Variants in SLCO4A1 observed in about 807,000 individuals in gnomAD.
The protein encoded by SLCO4A1 is solute carrier organic anion transporter family member 4A1.
In SLCO4A1, 51 loss-of-function variants were observed where a neutral mutation model predicts 64.6. The ratio of observed to expected loss-of-function variants is 0.79; its 90% CI spans 0.63 to 1.00. The LOEUF (loss-of-function observed/expected upper bound fraction) is 1.00, where lower values mean the gene tolerates loss of function less well. Ranked by LOEUF, SLCO4A1 falls within the 50% of genes least tolerant of loss-of-function variation. The pLI is 0.00. For missense variants in SLCO4A1, 919 were observed against 980.5 expected, an observed-to-expected ratio of 0.94 and a Z score of 0.84; for synonymous variants, 471 against 444.9, an observed-to-expected ratio of 1.06 and a Z score of -0.74.
downstream of SLCO4A1, among the ~76,000 whole-genome samples, chr20:62,674,111 C>T (rs1209991302): frequency 2.0e-5 from 3 of 152,288 alleles, no homozygotes; most frequent in South Asian, 2.1e-4. Flanking sequence ...ACCATTTCGG[C>T]GGATGCCTGC....
chr20:62,668,095 T>G lies in SLCO4A1; in HGVS notation c.1722T>G (p.Cys574Trp). ...HATAGKCTST[C>W]QRKPLLLVFI... Reference sequence around the variant, plus strand: ...CTGCAGGGAAATGCACTTCAACTTGTCAGAGAAAGCCCCTCCTTCTGGTTT... The same window carrying G: ...CTGCAGGGAAATGCACTTCAACTTGGCAGAGAAAGCCCCTCCTTCTGGTTT... The change falls in exon 9 of 12, where the codon TGT becomes TGG. Residue 574 changes from cysteine (C) to tryptophan (W), a missense_variant. By Grantham distance (215) the Cys-to-Trp change is radical (BLOSUM62 -2). Coordinates refer to ENST00000217159, the MANE Select transcript of SLCO4A1 (RefSeq NM_016354.4). 6.2e-7 allele frequency: 1 copy of G among 1,614,044 alleles called. No homozygotes were observed. The highest frequency in any genetic ancestry group is 8.5e-7 in the Non-Finnish European group (1 of 1,180,030).
intron 2 of SLCO4A1, 93 bp from the exon 3 acceptor site, chr20:62,658,584 G>A (rs1456861800): frequency 1.1e-5 from 10 of 942,712 alleles, no homozygotes; most frequent in Non-Finnish European, 1.6e-5. Flanking sequence ...AGAATGGCGG[G>A]TGCGGGGCTT....
chr20:62,663,891 A>G (rs1985559927), intron 5 of SLCO4A1, among the ~76,000 whole-genome samples: 2 of 152,190 alleles, frequency 1.3e-5, no homozygotes, highest in Non-Finnish European at 2.9e-5. Context: ...TACACCATGC[A>G]ACACGTTTTC....
intron 1 of SLCO4A1, among the ~76,000 whole-genome samples, chr20:62,653,531 G>A (rs1306336551): frequency 1.3e-5 from 2 of 152,300 alleles, no homozygotes; most frequent in Admixed American, 1.3e-4. Flanking sequence ...TCCCGGGGCT[G>A]GTTCTCACTG....
chr20:62,675,754 C>T (rs1313283564), downstream of SLCO4A1, among the ~76,000 whole-genome samples: 1 of 152,216 alleles, frequency 6.6e-6, no homozygotes, highest in Admixed American at 6.5e-5. Context: ...GGCACATGGG[C>T]CCTGGATACG....
At chr20:62,642,778 C>A (rs1479464056) in intron 1 of SLCO4A1, among the ~76,000 whole-genome samples, 3 of 152,162 alleles carry the variant, frequency 2.0e-5, no homozygotes, top group Non-Finnish European at 4.4e-5. Flanking sequence ...CCGCCGGCTG[C>A]GCAGGTAGGA....
chr20:62,670,331 C>T (rs145485232), intron 11 of SLCO4A1: 37 of 152,382 alleles, frequency 2.4e-4, no homozygotes, highest in African/African-American at 3.1e-4. Flanking sequence ...CTTTGTCCAG[C>T]GTGTCCAGGC....
downstream of SLCO4A1, among the ~76,000 whole-genome samples, chr20:62,689,935 TCCCCACCCTC>T (rs1988176772): frequency 1.3e-5 from 2 of 152,174 alleles, no homozygotes; most frequent in Non-Finnish European, 2.9e-5. Context: ...GGGACCCGCG[TCCCCACCCTC>T]ACCCCCAGGG....
Position 62,656,413 on chromosome 20 carries a change from T to G in SLCO4A1, c.-42T>G. 1 of 1,441,904 alleles carries G rather than the reference T, an allele frequency of 6.9e-7. No homozygotes were observed. Among genetic ancestry groups the G allele is most frequent in the Non-Finnish European group, 9.1e-7 (1 of 1,095,972 alleles). The allele number at this position is 1,441,904 out of a possible 1,614,324, so 89.3% of individuals were successfully genotyped here. On this transcript the variant is annotated 5_prime_UTR_variant, in exon 2 of 12. Transcript: ENST00000217159. ...CCACTCCCGCTGAGGCCACTCCCACTGCGTGGCTGAAGCCTCGAGGTCACC... is the reference window on the plus strand; with the variant it reads ...CCACTCCCGCTGAGGCCACTCCCACGGCGTGGCTGAAGCCTCGAGGTCACC...
At chr20:62,643,719 C>T (rs1980825923) in intron 1 of SLCO4A1, among the ~76,000 whole-genome samples, 1 of 152,244 alleles carries the variant, frequency 6.6e-6, no homozygotes, top group Non-Finnish European at 1.5e-5. Context: ...AAATGGATCT[C>T]AGAGGACAGC....
chr20:62,643,117 CG>C, intron 1 of SLCO4A1: 1 of 436,594 alleles, frequency 2.3e-6, no homozygotes, highest in Non-Finnish European at 4.8e-6. Flanking sequence ...GAGACATCTC[CG>C]GGAGGGGAGC....
At chr20:62,652,522 A>G (rs1000860485) in intron 1 of SLCO4A1, among the ~76,000 whole-genome samples, 1 of 152,190 alleles carries the variant, frequency 6.6e-6, no homozygotes, top group African/African-American at 2.4e-5. Flanking sequence ...TGTGTTACAC[A>G]TGCTCCTGGG....
Position 62,671,840 on chromosome 20 carries a change from C to T in SLCO4A1, c.2116C>T (p.Gln706Ter). 5 of 1,613,552 alleles carry T rather than the reference C, an allele frequency of 3.1e-6. No individual in the cohort carries two copies. The highest frequency in any genetic ancestry group is 4.2e-6 in the Non-Finnish European group (5 of 1,180,032). ...SDGLETCLPS[Q>*]SSAPDSATDS... is the part of the protein sequence containing the mutation. The stretch of plus-strand genomic sequence containing the variant: ...TGGCCTGGAAACTTGTCTGCCCAGC[C>T]AGTCCTCAGCCCCTGACAGTGCCAC... The change falls in exon 12 of 12, where the codon CAG becomes TAG. Residue 706 changes from glutamine to a stop codon, truncating the protein, a stop_gained. Coordinates refer to ENST00000217159, the MANE Select transcript of SLCO4A1 (RefSeq NM_016354.4). LOFTEE classifies it high-confidence loss of function.
At chr20:62,680,244 G>A (rs1987767138) in intron 2 of SLCO4A1, among the ~76,000 whole-genome samples, 1 of 152,222 alleles carries the variant, frequency 6.6e-6, no homozygotes, top group Non-Finnish European at 1.5e-5. Flanking sequence ...AACCTGCTAG[G>A]CCCACTTTTG....
chr20:62,645,374 C>A lies in SLCO4A1; in HGVS notation c.-97+2821C>A, dbSNP rs779791052. On this transcript the variant is annotated intron_variant, in intron 1 of 11. Transcript: ENST00000217159. The surrounding 1 kb of genome is among the most constrained non-coding windows in gnomAD (Gnocchi z 4.2). ...CTGCAGAGGAAGCAGACTGGGACTACAAAGAACAACCTGGTCCTGGGGACC... is the reference window on the plus strand; with the variant it reads ...CTGCAGAGGAAGCAGACTGGGACTAAAAAGAACAACCTGGTCCTGGGGACC... 2.0e-5 allele frequency among the ~76,000 whole-genome samples: 3 copies of A among 151,878 alleles called. No individual in the cohort carries two copies. The highest frequency in any genetic ancestry group is 6.6e-5 in the Admixed American group (1 of 15,258).
intron 3 of SLCO4A1, 43 bp downstream of exon 3, chr20:62,658,810 CGT>C (rs747380763): frequency 4.7e-6 from 7 of 1,495,270 alleles, no homozygotes; most frequent in Non-Finnish European, 6.4e-6. Flanking sequence ...GAGAGGCCCA[CGT>C]GTCTCTGGAA....
intron 10 of SLCO4A1, 116 bp downstream of exon 10, chr20:62,668,657 C>G (rs1214800129): frequency 9.6e-7 from 1 of 1,044,046 alleles, no homozygotes; most frequent in Non-Finnish European, 1.5e-6. Flanking sequence ...GCTGTTCCCG[C>G]CTGGGAAGGG....
intron 11 of SLCO4A1, 25 bp from the exon 12 acceptor site, chr20:62,671,725 G>A (rs1987245091): frequency 6.2e-7 from 1 of 1,607,606 alleles, no homozygotes; most frequent in Non-Finnish European, 8.5e-7. Flanking sequence ...TCCCCACGAG[G>A]TCCAGCGGGC....
rs2147054468 is a variant in SLCO4A1 at position 62,645,576 on chromosome 20, G to A, written c.-97+3023G>A. Among the ~76,000 whole-genome samples the A allele has an allele frequency of 6.6e-6, 1 of 151,620 alleles. No homozygotes were observed. Among genetic ancestry groups the A allele is most frequent in the South Asian group, 2.1e-4 (1 of 4,784 alleles). On this transcript the variant is annotated intron_variant, in intron 1 of 11. Transcript: ENST00000217159. This position sits in a 1 kb window ranked among gnomAD's most constrained non-coding sequence, Gnocchi z 4.2. ...GTCTCCGGCTGTCTCCAACCCTTCA[G>A]TTCTTTTCAGTAGCCTCCTTCCCAC...
Sources: gnomAD v4.1 joint callset for allele counts (sites outside exome capture counted in the v4.1 genomes callset) on GRCh38, gnomAD v4.1.1 for gene constraint, Gnocchi (gnomAD v3.1) non-coding constraint, MANE v1.5 for transcripts, NCBI Gene and HGNC (gene_info 2026-07-23, HGNC 2026-07-21) for gene names.